The following EIF2AK1 variants were observed in gnomAD, a reference collection of about 807,000 sequenced individuals.
The protein encoded by EIF2AK1 is eukaryotic translation initiation factor 2 alpha kinase 1.
Under a neutral mutation model 77.9 loss-of-function variants are expected in EIF2AK1, and 54 were observed. The ratio of observed to expected loss-of-function variants is 0.69; its 90% CI spans 0.56 to 0.87. The LOEUF is 0.87. EIF2AK1 is among the 40% of genes least tolerant of loss of function. The pLI, the probability that EIF2AK1 is intolerant of heterozygous loss-of-function variation, is 0.00. For synonymous variants in EIF2AK1, 314 were observed against 290.5 expected (o/e 1.08, Z -0.82); for missense variants, 810 against 768.6 (o/e 1.05, Z -0.64).
rs41282676 is a variant in EIF2AK1, at chr7:6,046,979, C to G, written c.549+13G>C. The G allele has an allele frequency of 0.062, 99,093 of 1,587,824 alleles. 6,052 individuals are homozygous for G. Among genetic ancestry groups the G allele is most frequent in the East Asian group, 0.37 (16,473 of 44,672 alleles). Reference sequence around the variant, plus strand: ...TTAGGGTAGTAGGTCAAAACAAGTACGTGGAAGACAACCTTGTATACTCTT... The same window carrying G: ...TTAGGGTAGTAGGTCAAAACAAGTAGGTGGAAGACAACCTTGTATACTCTT... On this transcript the variant is annotated intron_variant, in intron 5 of 14. Transcript: ENST00000199389.
chr7:6,037,334 T>A (rs987919032), intron 11 of EIF2AK1, 90 bp downstream of exon 11: 1 of 805,500 alleles, frequency 1.2e-6, no homozygotes, highest in Non-Finnish European at 2.1e-6. Context: ...AACTAGGACA[T>A]GTAATCTTAT....
chr7:6,051,263 T>C (rs1453179675), intron 2 of EIF2AK1, among the ~76,000 whole-genome samples: 3 of 151,148 alleles, frequency 2.0e-5, no homozygotes, highest in East Asian at 2.0e-4. Flanking sequence ...GAGGACATTT[T>C]TTTTTCTTTC....
Position 6,028,540 on chromosome 7 carries a change from C to T in EIF2AK1, c.1530+75G>A, listed in dbSNP as rs755457537. The stretch of plus-strand genomic sequence containing the variant: ...GTGCTGGGATTACAGGCGTGAGCCA[C>T]TGCACCCAACCCTGTATTGTTATTT... On this transcript the variant is annotated intron_variant, in intron 13 of 14. Coordinates refer to ENST00000199389, the MANE Select transcript of EIF2AK1 (RefSeq NM_014413.4). 6.5e-4 allele frequency: 964 copies of T among 1,482,650 alleles called. 1 individual carries two copies. Among genetic ancestry groups the T allele is most frequent in the Non-Finnish European group, 8.3e-4 (888 of 1,064,148 alleles). 91.8% of individuals were successfully genotyped at this position (1,482,650 alleles called of 1,614,324 possible). A position where few individuals can be genotyped will look rare whatever the true frequency, so the allele number is the denominator to read the frequency against.
At position 6,041,029 on chromosome 7, in the gene EIF2AK1, T is replaced by C; in HGVS notation, c.982A>G (p.Asn328Asp). ...CTGGCAGACAAACCAGCCAAGCCATTTTCCTGGAGCTCCAGGGTCGACTCA... is the reference window on the plus strand; with the variant it reads ...CTGGCAGACAAACCAGCCAAGCCATCTTCCTGGAGCTCCAGGGTCGACTCA... ...ELESTLELQE[N>D]GLAGLSASSI... The change falls in exon 9 of 15, where the codon AAT becomes GAT. Residue 328 changes from asparagine (N) to aspartate (D), a missense_variant. Physicochemically the swap from Asn to Asp is conservative, Grantham distance 23 (BLOSUM62 1). This residue lies in a region of EIF2AK1 where 549 missense variants were observed against 533.7 expected (regional missense o/e 1.03). Coordinates refer to ENST00000199389, the MANE Select transcript of EIF2AK1 (RefSeq NM_014413.4). 6.2e-7 allele frequency: 1 copy of C among 1,614,120 alleles called. No individual in the cohort carries two copies. The highest frequency in any genetic ancestry group is 1.1e-5 in the South Asian group (1 of 91,072).
rs771412351 is a variant in EIF2AK1, at chr7:6,035,449, C to T, written c.1332+1975G>A. 6.1e-5 allele frequency: 94 copies of T among 1,549,568 alleles called. 1 individual carries two copies. In the South Asian group the frequency reaches 6.4e-4, roughly 11 times the overall value. ...GTAATCAATACCCATTCTAGGGACA[C>T]GACAGGCCTCACCACACTCAACTTA... On this transcript the variant is annotated intron_variant, in intron 11 of 14. Coordinates refer to ENST00000199389, the MANE Select transcript of EIF2AK1 (RefSeq NM_014413.4). The surrounding 1 kb of genome is among the most constrained non-coding windows in gnomAD (Gnocchi z 5.5).
rs1787683000 is a variant in EIF2AK1 at position 6,024,569 on chromosome 7, C to T, written c.*104G>A. On this transcript the variant is annotated 3_prime_UTR_variant, in exon 15 of 15. Transcript: ENST00000199389. ...GGGCACTCTGACATCTTTAACAAGT[C>T]TTGTAAAGGCTTACTAAATACAACG... 6.4e-7 allele frequency: 1 copy of T among 1,553,394 alleles called. No homozygotes were observed. Among genetic ancestry groups the T allele is most frequent in the Admixed American group, 2.0e-5 (1 of 49,362 alleles).
intron 9 of EIF2AK1, among the ~76,000 whole-genome samples, chr7:6,039,845 G>A (rs541084038): frequency 1.3e-5 from 2 of 151,904 alleles, no homozygotes; most frequent in East Asian, 3.9e-4. Flanking sequence ...GCTGAGGCAG[G>A]AGAATCGCTT....
intron 4 of EIF2AK1, 80 bp downstream of exon 4, chr7:6,048,727 T>A (rs1788514268): frequency 3.4e-6 from 4 of 1,170,206 alleles, no homozygotes; most frequent in Non-Finnish European, 3.7e-6. Flanking sequence ...CAATATTATG[T>A]TTTAACCTCA....
intron 9 of EIF2AK1, among the ~76,000 whole-genome samples, 161 bp downstream of exon 9, chr7:6,040,731 G>A (rs1329403484): frequency 6.6e-6 from 1 of 152,152 alleles, no homozygotes; most frequent in Non-Finnish European, 1.5e-5. Flanking sequence ...GTGAAGAAGG[G>A]AGAACCAAAC....
rs780633468 is a variant in EIF2AK1 at position 6,041,162 on chromosome 7, C to T, written c.849G>A (p.Glu283=). Residue 283 remains glutamate, a synonymous_variant, in exon 9 of 15, where the codon GAG becomes GAA. Transcript: ENST00000199389. ...AGCGTTTTTCTTTTTCTGGGGTGGG[C>T]TCAGCAAAGATAATGGATGAGCTGC... The part of the protein sequence containing the change: ...ESSSSSIIFA[E]PTPEKEKRFG... 5.6e-6 allele frequency: 9 copies of T among 1,613,524 alleles called. No individual in the cohort carries two copies. The African/African-American group carries it at 1.2e-4, about 22-fold the overall frequency.
At chr7:6,051,753 C>G (rs2128891567) in intron 2 of EIF2AK1, among the ~76,000 whole-genome samples, 1 of 151,816 alleles carries the variant, frequency 6.6e-6, no homozygotes, top group Non-Finnish European at 1.5e-5. Flanking sequence ...GCATCAAAAA[C>G]TCTACAGTTA....
chr7:6,050,109 G>T, intron 2 of EIF2AK1, 64 bp from the exon 3 acceptor site: 1 of 1,359,474 alleles, frequency 7.4e-7, no homozygotes, highest in Non-Finnish European at 1.0e-6. Context: ...ATTTTAAAGT[G>T]TACACAGAGA....
At chr7:6,026,285 C>T in intron 14 of EIF2AK1, 1 of 379,894 alleles carries the variant, frequency 2.6e-6, no homozygotes. Context: ...GGCAGACATA[C>T]AGACAGCCCA....
At chr7:6,026,317 G>T (rs537768498) in intron 14 of EIF2AK1, 59 of 393,402 alleles carry the variant, frequency 1.5e-4, no homozygotes, top group African/African-American at 1.1e-3. Flanking sequence ...AGGTGGTGAA[G>T]GGTCAGAGTT....
In EIF2AK1 at chr7:6,024,301, G is replaced by T. The variant is rs562812863; in HGVS notation, c.*372C>A. The T allele has an allele frequency of 4.9e-6, 6 of 1,216,254 alleles. No homozygotes were observed. Among genetic ancestry groups the T allele is most frequent in the African/African-American group, 1.6e-5 (1 of 63,588 alleles). The allele number at this position is 1,216,254 out of a possible 1,614,324, so 75.3% of individuals were successfully genotyped here. Reference sequence around the variant, plus strand: ...GGAAGACTGGCAGCTGTCAAAACTGGAACAGTCCAGTGAGTATGTGCAGGC... The same window carrying T: ...GGAAGACTGGCAGCTGTCAAAACTGTAACAGTCCAGTGAGTATGTGCAGGC... On this transcript the variant is annotated 3_prime_UTR_variant, in exon 15 of 15. Coordinates refer to ENST00000199389, the MANE Select transcript of EIF2AK1 (RefSeq NM_014413.4).
rs746593448 is a variant in EIF2AK1 at position 6,026,943 on chromosome 7, C to T, written c.1549G>A (p.Gly517Ser). The change falls in exon 14 of 15, where the codon GGT becomes AGT. Residue 517 changes from glycine to serine, a missense_variant. By Grantham distance (56) the Gly-to-Ser change is moderately conservative. This residue lies in a region of EIF2AK1 where 549 missense variants were observed against 533.7 expected (regional missense o/e 1.03). Transcript: ENST00000199389. ...YDAKSDMYSL[G>S]VVLLELFQPF... ...TGAAAGAGCTCTAGCAGGACCACAC[C>T]CAAGCTGTACATATCTGACTGGAAA... The T allele has an allele frequency of 6.2e-7, 1 of 1,613,992 alleles. No individual in the cohort carries two copies. Among genetic ancestry groups the T allele is most frequent in the South Asian group, 1.1e-5 (1 of 91,078 alleles).
chr7:6,024,386 A>G lies in EIF2AK1; in HGVS notation c.*287T>C. On this transcript the variant is annotated 3_prime_UTR_variant, in exon 15 of 15. Coordinates refer to ENST00000199389, the MANE Select transcript of EIF2AK1 (RefSeq NM_014413.4). ...CATCAATTTCTGCGGTACCTTCTAG[A>G]GGAAGACCAGACAGAGGGTCAACAG... 2 of 1,287,306 alleles carry G rather than the reference A, an allele frequency of 1.6e-6. No homozygotes were observed. Among genetic ancestry groups the G allele is most frequent in the Non-Finnish European group, 2.0e-6 (2 of 1,009,856 alleles). The allele number at this position is 1,287,306 out of a possible 1,614,324, so 79.7% of individuals were successfully genotyped here. A position where few individuals can be genotyped will look rare whatever the true frequency, so the allele number is the denominator to read the frequency against.
At chr7:6,026,675 G>A in intron 14 of EIF2AK1, 53 bp downstream of exon 14, 1 of 1,442,022 alleles carries the variant, frequency 6.9e-7, no homozygotes, top group Admixed American at 1.7e-5. Context: ...TTCCCCAAGA[G>A]AGGCAATAAA....
Position 6,040,972 on chromosome 7 carries a change from G to T in EIF2AK1, c.1039C>A (p.Arg347Ser). 2 of 1,614,102 alleles carry T rather than the reference G, an allele frequency of 1.2e-6. No homozygotes were observed. The highest frequency in any genetic ancestry group is 2.2e-5 in the South Asian group (2 of 91,078). Residue 347 changes from arginine (R) to serine (S), a missense_variant, in exon 9 of 15, where the codon CGT (arginine) becomes AGT (serine). Around this residue, in one of 3 missense-constraint regions of EIF2AK1, gnomAD observed 549 missense variants for 533.7 expected, o/e 1.03. Transcript: ENST00000199389. ...SIVEQQLPLR[R>S]NSHLEESFTS... ...AAACTCTCCTCTAGGTGGGAATTAC[G>T]CCTGAGTGGCAGCTGCTGTTCCACA...
Sources: gnomAD v4.1 joint callset for allele counts (sites outside exome capture counted in the v4.1 genomes callset) on GRCh38, gnomAD v4.1.1 for gene constraint, gnomAD v4.1.1 regional missense constraint, Gnocchi (gnomAD v3.1) non-coding constraint, MANE v1.5 for transcripts, NCBI Gene and HGNC (gene_info 2026-07-23, HGNC 2026-07-21) for gene names.